GJD3: variants seen among roughly 807,000 people sequenced by gnomAD.
GJD3 encodes the protein gap junction protein delta 3.
For missense variants in GJD3, 421 were observed against 448.5 expected (o/e 0.94, Z 0.55); for synonymous variants, 217 against 226.7 (o/e 0.96, Z 0.38).
rs190215142 is a variant in GJD3 at position 40,360,725 on chromosome 17, A to G, written c.*2206T>C. The G allele has an allele frequency of 3.0e-4, 61 of 204,596 alleles. No individual in the cohort carries two copies. The highest frequency in any genetic ancestry group is 1.4e-3 in the African/African-American group (58 of 41,862). The allele number at this position is 204,596 out of a possible 1,614,324, so 12.7% of individuals were successfully genotyped here. ...AAACTACATACATGGCTCATATGCTATTTCCATCGGATGATGCTGATCTTG... is the reference window on the plus strand; with the variant it reads ...AAACTACATACATGGCTCATATGCTGTTTCCATCGGATGATGCTGATCTTG... On this transcript the variant is annotated 3_prime_UTR_variant, in exon 1 of 1. Coordinates refer to ENST00000578689, the MANE Select transcript of GJD3 (RefSeq NM_152219.4).
chr17:40,363,825 G>C lies in GJD3; in HGVS notation c.-10C>G, dbSNP rs745333134. On this transcript the variant is annotated 5_prime_UTR_variant, in exon 1 of 1. Transcript: ENST00000578689. The surrounding 1 kb of genome is among the most constrained non-coding windows in gnomAD (Gnocchi z 5.5). ...ACGCCCACTCCCCCATGGCGCTGGG[G>C]ACGCGGGGCGGGGAGTCAGGGGATG... The C allele has an allele frequency of 6.3e-7, 1 of 1,583,178 alleles. No individual in the cohort carries two copies. The highest frequency in any genetic ancestry group is 1.7e-5 in the Admixed American group (1 of 57,184).
rs1421432363 is a variant in GJD3 at position 40,363,654 on chromosome 17, G to T, written c.162C>A (p.Cys54Ter). ...VFEDEQEEFV[C>*]NTLQPGCRQT... ...GGCGACAGCCCGGCTGCAGCGTGTT[G>T]CACACGAACTCCTCTTGCTCGTCCT... Residue 54 changes from cysteine (C) to a stop codon, truncating the protein, a stop_gained, in exon 1 of 1, where the codon TGC (cysteine) becomes TGA (stop). Transcript: ENST00000578689. LOFTEE classifies it low-confidence loss of function (END_TRUNC). The surrounding 1 kb of genome is among the most constrained non-coding windows in gnomAD (Gnocchi z 5.5). The T allele has an allele frequency of 6.2e-7, 1 of 1,607,782 alleles. No homozygotes were observed. The highest frequency in any genetic ancestry group is 1.1e-5 in the South Asian group (1 of 90,210).
Position 40,364,083 on chromosome 17 carries a change from G to T in GJD3, c.-268C>A, listed in dbSNP as rs937604402. 1.1e-5 allele frequency: 5 copies of T among 435,120 alleles called. No homozygotes were observed. Among genetic ancestry groups the T allele is most frequent in the Non-Finnish European group, 2.1e-5 (5 of 233,292 alleles). 27.0% of individuals were successfully genotyped at this position (435,120 alleles called of 1,614,324 possible). Reference sequence around the variant, plus strand: ...AGGATCCCCCATTTGCATTTTAGCCGCACCCCCTGAGCCGTCTCCGTTCGA... The same window carrying T: ...AGGATCCCCCATTTGCATTTTAGCCTCACCCCCTGAGCCGTCTCCGTTCGA... On this transcript the variant is annotated 5_prime_UTR_variant, in exon 1 of 1. Transcript: ENST00000578689.
chr17:40,363,830 G>T lies in GJD3; in HGVS notation c.-15C>A, dbSNP rs376249337. On this transcript the variant is annotated 5_prime_UTR_variant, in exon 1 of 1. Coordinates refer to ENST00000578689, the MANE Select transcript of GJD3 (RefSeq NM_152219.4). This position sits in a 1 kb window ranked among gnomAD's most constrained non-coding sequence, Gnocchi z 5.5. ...CACTCCCCCATGGCGCTGGGGACGC[G>T]GGGCGGGGAGTCAGGGGATGGGGCA... 7.0e-6 allele frequency: 11 copies of T among 1,575,266 alleles called. No individual in the cohort carries two copies. The highest frequency in any genetic ancestry group is 1.3e-5 in the African/African-American group (1 of 74,416).
In GJD3 at chr17:40,362,931, C is replaced by T; in HGVS notation, c.885G>A (p.Ter295=). 1 of 1,236,966 alleles carries T rather than the reference C, an allele frequency of 8.1e-7. No individual in the cohort carries two copies. Among genetic ancestry groups the T allele is most frequent in the Non-Finnish European group, 1.0e-6 (1 of 987,786 alleles). 76.6% of individuals were successfully genotyped at this position (1,236,966 alleles called of 1,614,324 possible). A position where few individuals can be genotyped will look rare whatever the true frequency, so the allele number is the denominator to read the frequency against. ...AGTCCGCGCGAGGCGGTGCCCGCCCCTAGATGGCCAGATCTCGGCGGCCGG... is the reference window on the plus strand; with the variant it reads ...AGTCCGCGCGAGGCGGTGCCCGCCCTTAGATGGCCAGATCTCGGCGGCCGG... The part of the protein sequence containing the change: ...PATGRRDLAI[*] The change falls in exon 1 of 1, where the codon TAG becomes TAA. Residue 295 remains the stop codon, a stop_retained_variant. Transcript: ENST00000578689.
At position 40,364,086 on chromosome 17, in the gene GJD3, C is replaced by T. The variant is rs111474879; in HGVS notation, c.-271G>A. 22,621 of 421,870 alleles carry T rather than the reference C, an allele frequency of 0.054. 706 individuals are homozygous for T. The highest frequency in any genetic ancestry group is 0.095 in the Middle Eastern group (169 of 1,786). 26.1% of individuals were successfully genotyped at this position (421,870 alleles called of 1,614,324 possible). A position where few individuals can be genotyped will look rare whatever the true frequency, so the allele number is the denominator to read the frequency against. ...ATCCCCCATTTGCATTTTAGCCGCA[C>T]CCCCTGAGCCGTCTCCGTTCGACCC... On this transcript the variant is annotated 5_prime_UTR_variant, in exon 1 of 1. In the 5' UTR this introduces an upstream ATG that the reference lacks. Coordinates refer to ENST00000578689, the MANE Select transcript of GJD3 (RefSeq NM_152219.4).
rs899204081 is a variant in GJD3 at position 40,362,140 on chromosome 17, A to G, written c.*791T>C. On this transcript the variant is annotated 3_prime_UTR_variant, in exon 1 of 1. Transcript: ENST00000578689. The stretch of plus-strand genomic sequence containing the variant: ...CGGATCCTGGCCACCCCCGCAGTGC[A>G]TATCAGAGATCACACACACACGCGT... Among the ~76,000 whole-genome samples, 3 of 152,130 alleles carry G rather than the reference A, an allele frequency of 2.0e-5. No homozygotes were observed. Among genetic ancestry groups the G allele is most frequent in the African/African-American group, 7.2e-5 (3 of 41,420 alleles).
Position 40,363,001 on chromosome 17 carries a change from C to A in GJD3, c.815G>T (p.Ser272Ile). Residue 272 changes from serine (S) to isoleucine (I), a missense_variant, in exon 1 of 1, where the codon AGC becomes ATC. By Grantham distance (142) the Ser-to-Ile change is moderately radical. Coordinates refer to ENST00000578689, the MANE Select transcript of GJD3 (RefSeq NM_152219.4). This position sits in a 1 kb window ranked among gnomAD's most constrained non-coding sequence, Gnocchi z 5.5. ...GCGGCCGCTGCCGCACTCGCGGAGG[C>A]TGGCCGGCGCCGGGTGCGCATAGGC... Reference protein sequence around the residue: ...PPAYAHPAPASLRECGSGRGK... With the variant: ...PPAYAHPAPAILRECGSGRGK... 1 of 1,211,346 alleles carries A rather than the reference C, an allele frequency of 8.3e-7. No individual in the cohort carries two copies. Among genetic ancestry groups the A allele is most frequent in the South Asian group, 3.6e-5 (1 of 27,876 alleles). 75.0% of individuals were successfully genotyped at this position (1,211,346 alleles called of 1,614,324 possible).
chr17:40,363,929 C>A lies in GJD3; in HGVS notation c.-114G>T. On this transcript the variant is annotated 5_prime_UTR_variant, in exon 1 of 1. Transcript: ENST00000578689. The surrounding 1 kb of genome is among the most constrained non-coding windows in gnomAD (Gnocchi z 5.5). ...GACCTTCTCTGACTTCAGGGTGAGT[C>A]GTGAGGTAGGAGAGGCCCGGGTTTA... 7.1e-7 allele frequency: 1 copy of A among 1,406,008 alleles called. No individual in the cohort carries two copies. The highest frequency in any genetic ancestry group is 1.5e-5 in the South Asian group (1 of 67,676). The allele number at this position is 1,406,008 out of a possible 1,614,324, so 87.1% of individuals were successfully genotyped here.
rs780504404 is a variant in GJD3 at position 40,363,744 on chromosome 17, G to C, written c.72C>G (p.Leu24=). 2 of 1,609,860 alleles carry C rather than the reference G, an allele frequency of 1.2e-6. No homozygotes were observed. Among genetic ancestry groups the C allele is most frequent in the South Asian group, 2.2e-5 (2 of 90,822 alleles). ...GGAAGATCAGCATGACCACCAGCCA[G>C]AGGCGGCCCACGAGCGGCGACTGCA... The part of the protein sequence containing the change: ...VQLQSPLVGR[L]WLVVMLIFRI... The change falls in exon 1 of 1, where the codon CTC becomes CTG. Residue 24 remains leucine, a synonymous_variant. Coordinates refer to ENST00000578689, the MANE Select transcript of GJD3 (RefSeq NM_152219.4). The surrounding 1 kb of genome is among the most constrained non-coding windows in gnomAD (Gnocchi z 5.5).
At position 40,361,321 on chromosome 17, in the gene GJD3, G is replaced by A. The variant is rs902333404; in HGVS notation, c.*1610C>T. ...TGGAGTCGAAGGCCTGACAGGGGCA[G>A]GGCTTCAGAAGGAAGCTTTGTGAAG... On this transcript the variant is annotated 3_prime_UTR_variant, in exon 1 of 1. Coordinates refer to ENST00000578689, the MANE Select transcript of GJD3 (RefSeq NM_152219.4). Among the ~76,000 whole-genome samples the A allele has an allele frequency of 6.6e-6, 1 of 152,214 alleles. No homozygotes were observed. Among genetic ancestry groups the A allele is most frequent in the African/African-American group, 2.4e-5 (1 of 41,458 alleles).
chr17:40,361,914 C>G lies in GJD3; in HGVS notation c.*1017G>C, dbSNP rs1459445324. 2.0e-5 allele frequency among the ~76,000 whole-genome samples: 3 copies of G among 151,438 alleles called. No individual in the cohort carries two copies. The highest frequency in any genetic ancestry group is 2.1e-4 in the South Asian group (1 of 4,778). ...CACCTCCATGAAAGCGCCCAGCCCC[C>G]GCCTCGCCACAAGGGGTACTGTGAG... On this transcript the variant is annotated 3_prime_UTR_variant, in exon 1 of 1. Coordinates refer to ENST00000578689, the MANE Select transcript of GJD3 (RefSeq NM_152219.4).
In GJD3 at chr17:40,363,995, C is replaced by G; in HGVS notation, c.-180G>C. The G allele has an allele frequency of 1.3e-6, 1 of 794,142 alleles. No individual in the cohort carries two copies. Among genetic ancestry groups the G allele is most frequent in the South Asian group, 1.9e-5 (1 of 53,218 alleles). 49.2% of individuals were successfully genotyped at this position (794,142 alleles called of 1,614,324 possible). A position where few individuals can be genotyped will look rare whatever the true frequency, so the allele number is the denominator to read the frequency against. On this transcript the variant is annotated 5_prime_UTR_variant, in exon 1 of 1. Coordinates refer to ENST00000578689, the MANE Select transcript of GJD3 (RefSeq NM_152219.4). This position sits in a 1 kb window ranked among gnomAD's most constrained non-coding sequence, Gnocchi z 5.5. ...TGAAACGGAGGGCCACGGGAGGGCC[C>G]GAGGGGAGCAGGCGACGCTCAGCTA... is the stretch of plus-strand genomic sequence containing the variant.
chr17:40,363,437 G>GGGCGCAC lies in GJD3; in HGVS notation c.372_378dup (p.Leu127ValfsTer100), dbSNP rs1206246990. 7.6e-7 allele frequency: 1 copy of GGGCGCAC among 1,320,670 alleles called. No individual in the cohort carries two copies. Among genetic ancestry groups the GGGCGCAC allele is most frequent in the South Asian group, 2.1e-5 (1 of 47,156 alleles). The allele number at this position is 1,320,670 out of a possible 1,614,324, so 81.8% of individuals were successfully genotyped here. A position where few individuals can be genotyped will look rare whatever the true frequency, so the allele number is the denominator to read the frequency against. On this transcript the variant is annotated frameshift_variant, in exon 1 of 1. Transcript: ENST00000578689. LOFTEE classifies it low-confidence loss of function (END_TRUNC). This position sits in a 1 kb window ranked among gnomAD's most constrained non-coding sequence, Gnocchi z 5.5. ...CAGCGGCGCGCGCGGCGGGCGCGCA[G>GGGCGCAC]GGCGCACGGCGCGCACTGGGCCTCG... is the stretch of plus-strand genomic sequence containing the variant.
Position 40,363,412 on chromosome 17 carries a change from C to T in GJD3, c.404G>A (p.Cys135Tyr). Residue 135 changes from cysteine (C) to tyrosine (Y), a missense_variant, in exon 1 of 1, where the codon TGC becomes TAC. Cys to Tyr is a radical substitution (Grantham distance 194, BLOSUM62 -2). Coordinates refer to ENST00000578689, the MANE Select transcript of GJD3 (RefSeq NM_152219.4). This position sits in a 1 kb window ranked among gnomAD's most constrained non-coding sequence, Gnocchi z 5.5. ...CALRARRARR[C>Y]YLLSVALRLL... ...GCGCAGCGCCACGCTCAGCAGGTAG[C>T]AGCGGCGCGCGCGGCGGGCGCGCAG... 20 of 1,318,276 alleles carry T rather than the reference C, an allele frequency of 1.5e-5. No individual in the cohort carries two copies. Among genetic ancestry groups the T allele is most frequent in the Non-Finnish European group, 1.9e-5 (20 of 1,039,516 alleles). 81.7% of individuals were successfully genotyped at this position (1,318,276 alleles called of 1,614,324 possible).
In GJD3 at chr17:40,363,174, C is replaced by G; in HGVS notation, c.642G>C (p.Trp214Cys). The G allele has an allele frequency of 6.9e-7, 1 of 1,440,758 alleles. No individual in the cohort carries two copies. Among genetic ancestry groups the G allele is most frequent in the Admixed American group, 2.5e-5 (1 of 40,338 alleles). 89.2% of individuals were successfully genotyped at this position (1,440,758 alleles called of 1,614,324 possible). ...GCTCCCCGGCGCGCGGGCGGCCCTT[C>G]CAGAGCAGGTGGCCCAGCTCGGCTA... is the stretch of plus-strand genomic sequence containing the variant. Reference protein sequence around the residue: ...LSVAELGHLLWKGRPRAGERD... With the variant: ...LSVAELGHLLCKGRPRAGERD... The change falls in exon 1 of 1, where the codon TGG becomes TGC. Residue 214 changes from tryptophan to cysteine, a missense_variant. Trp to Cys is a radical substitution (Grantham distance 215, BLOSUM62 -2). Transcript: ENST00000578689. The surrounding 1 kb of genome is among the most constrained non-coding windows in gnomAD (Gnocchi z 5.5).
At position 40,363,274 on chromosome 17, in the gene GJD3, A is replaced by C. The variant is rs1159457414; in HGVS notation, c.542T>G (p.Val181Gly). The C allele has an allele frequency of 7.0e-7, 1 of 1,426,566 alleles. No individual in the cohort carries two copies. The highest frequency in any genetic ancestry group is 2.6e-5 in the Admixed American group (1 of 38,662). 88.4% of individuals were successfully genotyped at this position (1,426,566 alleles called of 1,614,324 possible). A position where few individuals can be genotyped will look rare whatever the true frequency, so the allele number is the denominator to read the frequency against. The change falls in exon 1 of 1, where the codon GTG becomes GGG. Residue 181 changes from valine to glycine, a missense_variant. By Grantham distance (109) the Val-to-Gly change is moderately radical. Transcript: ENST00000578689. This position sits in a 1 kb window ranked among gnomAD's most constrained non-coding sequence, Gnocchi z 5.5. ...GACGGTCTTCTCGGTGGGCCGGCTC[A>C]CGAAGCAGTCGACCGTGTGCGGGCA... Reference protein sequence around the residue: ...PPCPHTVDCFVSRPTEKTVFV... With the variant: ...PPCPHTVDCFGSRPTEKTVFV...
Position 40,363,173 on chromosome 17 carries a change from T to C in GJD3, c.643A>G (p.Lys215Glu). ...SVAELGHLLW[K>E]GRPRAGERDN... is the part of the protein sequence containing the mutation. ...CGCTCCCCGGCGCGCGGGCGGCCCT[T>C]CCAGAGCAGGTGGCCCAGCTCGGCT... is the stretch of plus-strand genomic sequence containing the variant. Residue 215 changes from lysine to glutamate, a missense_variant, in exon 1 of 1, where the codon AAG becomes GAG. By Grantham distance (56) the Lys-to-Glu change is moderately conservative. Coordinates refer to ENST00000578689, the MANE Select transcript of GJD3 (RefSeq NM_152219.4). The surrounding 1 kb of genome is among the most constrained non-coding windows in gnomAD (Gnocchi z 5.5). 6.9e-7 allele frequency: 1 copy of C among 1,440,134 alleles called. No homozygotes were observed. The highest frequency in any genetic ancestry group is 9.1e-7 in the Non-Finnish European group (1 of 1,094,988). 89.2% of individuals were successfully genotyped at this position (1,440,134 alleles called of 1,614,324 possible).
Position 40,363,678 on chromosome 17 carries a change from C to T in GJD3, c.138G>A (p.Glu46=). 6.2e-7 allele frequency: 1 copy of T among 1,609,750 alleles called. No homozygotes were observed. Among genetic ancestry groups the T allele is most frequent in the South Asian group, 1.1e-5 (1 of 90,678 alleles). ...VLATVGGAVF[E]DEQEEFVCNT... is the part of the protein sequence containing the mutation. ...TGCACACGAACTCCTCTTGCTCGTC[C>T]TCGAACACGGCGCCGCCCACCGTGG... The change falls in exon 1 of 1, where the codon GAG becomes GAA. Residue 46 remains glutamate, a synonymous_variant. Coordinates refer to ENST00000578689, the MANE Select transcript of GJD3 (RefSeq NM_152219.4). The surrounding 1 kb of genome is among the most constrained non-coding windows in gnomAD (Gnocchi z 5.5).
Sources: allele counts gnomAD v4.1 joint callset (sites outside exome capture counted in the v4.1 genomes callset), GRCh38; gene constraint gnomAD v4.1.1; non-coding constraint Gnocchi (gnomAD v3.1); transcripts MANE v1.5; gene names NCBI Gene and HGNC (gene_info 2026-07-23, HGNC 2026-07-21).